SEMA5A: variants seen among roughly 807,000 people sequenced by gnomAD.
SEMA5A encodes the protein semaphorin 5A.
Under a neutral mutation model 135.5 loss-of-function variants are expected in SEMA5A, and 55 were observed. That is an observed-to-expected ratio of 0.41 (90% CI 0.33 to 0.51). SEMA5A has a LOEUF of 0.51. Among genes scored for constraint, SEMA5A ranks in the 20% least tolerant of loss-of-function variants. The pLI, the probability that SEMA5A is intolerant of heterozygous loss-of-function variation, is 0.37. For synonymous variants in SEMA5A, 580 were observed against 546.5 expected, an observed-to-expected ratio of 1.06 and a Z score of -0.85; for missense variants, 1,290 against 1,419.9, an observed-to-expected ratio of 0.91 and a Z score of 1.47.
chr5:9,495,113 C>T lies in SEMA5A; in HGVS notation c.-175+50471G>A, dbSNP rs550247062. Among the ~76,000 whole-genome samples the T allele has an allele frequency of 5.9e-5, 9 of 152,228 alleles. No individual in the cohort carries two copies. The South Asian group carries it at 1.5e-3, about 25-fold the overall frequency. On this transcript the variant is annotated intron_variant, in intron 1 of 22. Transcript: ENST00000382496. Reference sequence around the variant, plus strand: ...AGTGTTTAAATTCTATTTTTCTTTCCCCTTTGAGGCTGCCATTATTTTAGG... The same window carrying T: ...AGTGTTTAAATTCTATTTTTCTTTCTCCTTTGAGGCTGCCATTATTTTAGG...
chr5:9,252,423 T>G (rs968038314), intron 5 of SEMA5A, among the ~76,000 whole-genome samples: 2 of 152,184 alleles, frequency 1.3e-5, no homozygotes, highest in Non-Finnish European at 2.9e-5. Context: ...CAAACCCACT[T>G]GAAATAATAA....
At chr5:9,366,094 C>A (rs1754902230) in intron 3 of SEMA5A, among the ~76,000 whole-genome samples, 1 of 152,168 alleles carries the variant, frequency 6.6e-6, no homozygotes, top group South Asian at 2.1e-4. Flanking sequence ...AGCCAGTGAG[C>A]TTTCGGGGTA....
chr5:9,136,855 A>T (rs1226860157), intron 12 of SEMA5A, among the ~76,000 whole-genome samples: 1 of 152,240 alleles, frequency 6.6e-6, no homozygotes, highest in Non-Finnish European at 1.5e-5. Context: ...TCTAACATAC[A>T]TGACAGATGA....
At chr5:9,393,035 C>T (rs1026146630) in intron 2 of SEMA5A, among the ~76,000 whole-genome samples, 1 of 152,186 alleles carries the variant, frequency 6.6e-6, no homozygotes, top group Non-Finnish European at 1.5e-5. Flanking sequence ...ATATGCGATG[C>T]TATAAAATCT....
At chr5:9,258,373 A>G (rs1805944) in intron 5 of SEMA5A, among the ~76,000 whole-genome samples, 52,031 of 152,076 alleles carry the variant, frequency 0.34, 8,941 homozygotes, top group Middle Eastern at 0.4. Flanking sequence ...TAGGTTACCT[A>G]TTGAAGACTG....
intron 5 of SEMA5A, among the ~76,000 whole-genome samples, chr5:9,293,633 C>A (rs1239791270): frequency 4.6e-5 from 7 of 152,148 alleles, no homozygotes; most frequent in African/African-American, 7.2e-5. Flanking sequence ...ATGCCTGTTG[C>A]ACTTGTGTTA....
rs1236551746 is a variant in SEMA5A, at chr5:9,353,292, A to AGGAAGGGAAG, written c.125-15490_125-15481dup. ...AAGGAAAGGAAAGGAAAGGAGGGAA[A>AGGAAGGGAAG]GGAAGGGAAGGGAAGGGAAGGGAAA... On this transcript the variant is annotated intron_variant, in intron 3 of 22. Transcript: ENST00000382496. Among the ~76,000 whole-genome samples the AGGAAGGGAAG allele has an allele frequency of 1.2e-4, 14 of 118,902 alleles. 1 individual carries two copies. The South Asian group carries it at 1.7e-3, about 14-fold the overall frequency. 78.0% of individuals were successfully genotyped at this position (118,902 alleles called of 152,430 possible). A position where few individuals can be genotyped will look rare whatever the true frequency, so the allele number is the denominator to read the frequency against.
intron 18 of SEMA5A, among the ~76,000 whole-genome samples, chr5:9,062,145 T>C (rs928504142): frequency 1.3e-5 from 2 of 151,924 alleles, no homozygotes; most frequent in African/African-American, 2.4e-5. Context: ...CCTTTTACAA[T>C]CAGAAGAAAA....
At chr5:9,149,644 A>G (rs565699674) in intron 12 of SEMA5A, among the ~76,000 whole-genome samples, 2 of 152,166 alleles carry the variant, frequency 1.3e-5, no homozygotes, top group Admixed American at 6.5e-5. Context: ...ACTCGTCTCA[A>G]AAACAAAACA....
intron 16 of SEMA5A, among the ~76,000 whole-genome samples, chr5:9,103,090 A>G (rs1739717627): frequency 6.6e-6 from 1 of 152,176 alleles, no homozygotes; most frequent in South Asian, 2.1e-4. Context: ...ATACTTGCTG[A>G]GGGAGACACA....
At chr5:9,182,961 G>A (rs1744604467) in intron 11 of SEMA5A, among the ~76,000 whole-genome samples, 1 of 152,070 alleles carries the variant, frequency 6.6e-6, no homozygotes, top group Admixed American at 6.6e-5. Context: ...AACATAGCTA[G>A]AAGGCACATA....
At chr5:9,201,519 C>T (rs1806081) in intron 9 of SEMA5A, among the ~76,000 whole-genome samples, 22,412 of 152,070 alleles carry the variant, frequency 0.15, 1,909 homozygotes, top group Admixed American at 0.26. Flanking sequence ...CAAATATGAG[C>T]AAGGTTTAAG....
At chr5:9,355,315 T>A (rs1202807960) in intron 3 of SEMA5A, among the ~76,000 whole-genome samples, 1 of 152,150 alleles carries the variant, frequency 6.6e-6, no homozygotes, top group African/African-American at 2.4e-5. Context: ...TGGCATTTTT[T>A]AAAAACTCTT....
intron 6 of SEMA5A, among the ~76,000 whole-genome samples, chr5:9,233,574 G>T (rs1445505925): frequency 6.6e-6 from 1 of 151,922 alleles, no homozygotes; most frequent in East Asian, 1.9e-4. Context: ...CTTTACAAGG[G>T]CTTGGCAGCT....
intron 2 of SEMA5A, among the ~76,000 whole-genome samples, chr5:9,428,411 T>C (rs1221680800): frequency 2.0e-5 from 3 of 152,166 alleles, no homozygotes; most frequent in African/African-American, 7.2e-5. Flanking sequence ...CTGATAGTGT[T>C]CAAATGCTCA....
chr5:9,062,833 C>T lies in SEMA5A; in HGVS notation c.2518+54G>A, dbSNP rs1385451559. On this transcript the variant is annotated intron_variant, in intron 18 of 22. Transcript: ENST00000382496. ...GCGTGAGGCCTGGTAAATTAGAAGA[C>T]TCTCCAAGGCCCTTGAGTTTTCAGA... is the stretch of plus-strand genomic sequence containing the variant. 6 of 1,574,404 alleles carry T rather than the reference C, an allele frequency of 3.8e-6. No homozygotes were observed. In the Admixed American group the frequency reaches 8.4e-5, roughly 22 times the overall value.
intron 11 of SEMA5A, among the ~76,000 whole-genome samples, chr5:9,180,200 T>C (rs1299748505): frequency 1.3e-5 from 2 of 152,190 alleles, no homozygotes; most frequent in Non-Finnish European, 2.9e-5. Flanking sequence ...TACATGCTCA[T>C]GCTCAAAGGC....
At chr5:9,530,983 T>C (rs1274505090) in intron 1 of SEMA5A, among the ~76,000 whole-genome samples, 1 of 152,216 alleles carries the variant, frequency 6.6e-6, no homozygotes, top group Non-Finnish European at 1.5e-5. Context: ...CTTGAGGCTT[T>C]TCCATTCCCA....
At chr5:9,378,593 C>T (rs376466645) in intron 3 of SEMA5A, among the ~76,000 whole-genome samples, 59 of 152,222 alleles carry the variant, frequency 3.9e-4, no homozygotes, top group African/African-American at 1.4e-3. Context: ...AATCAGAATG[C>T]GATGAGCAAA....
Sources: gnomAD v4.1 joint callset for allele counts (sites outside exome capture counted in the v4.1 genomes callset) on GRCh38, gnomAD v4.1.1 for gene constraint, MANE v1.5 for transcripts, NCBI Gene and HGNC (gene_info 2026-07-23, HGNC 2026-07-21) for gene names.